GTPBP3: variants seen among roughly 807,000 people sequenced by gnomAD.
The protein encoded by GTPBP3 is 5-taurinomethyluridine-[tRNA] synthase subunit GTPB3, mitochondrial.
A neutral mutation model predicts 42.0 loss-of-function variants in GTPBP3; 35 were observed. That is an observed-to-expected ratio of 0.83 (90% confidence interval 0.64 to 1.10). The LOEUF (loss-of-function observed/expected upper bound fraction) is 1.10. GTPBP3 is among the 50% of genes least tolerant of loss of function. The pLI, the probability that GTPBP3 is intolerant of heterozygous loss-of-function variation, is 0.00. For missense variants in GTPBP3, 691 were observed against 685.2 expected (o/e 1.01, Z -0.09); for synonymous variants, 332 against 314.9 (o/e 1.05, Z -0.58).
chr19:17,339,764 C>T (rs1276295570), intron 7 of GTPBP3, among the ~76,000 whole-genome samples, 165 bp downstream of exon 7: 3 of 135,888 alleles, frequency 2.2e-5, no homozygotes, highest in Non-Finnish European at 4.8e-5. Flanking sequence ...TTTTTTACTC[C>T]GAGACCGAGT....
intron 1 of GTPBP3, 95 bp from the exon 2 acceptor site, chr19:17,337,913 C>T (rs555998308): frequency 8.0e-6 from 12 of 1,493,634 alleles, no homozygotes; most frequent in Admixed American, 1.9e-5. Context: ...AGAACCCCCC[C>T]ACCTGGAGCA....
intron 7 of GTPBP3, among the ~76,000 whole-genome samples, 164 bp downstream of exon 7, chr19:17,339,763 C>G (rs2074410708): frequency 7.0e-6 from 1 of 142,966 alleles, no homozygotes; most frequent in Admixed American, 6.9e-5. Flanking sequence ...TTTTTTTACT[C>G]CGAGACCGAG....
Position 17,341,853 on chromosome 19 carries a change from T to G in GTPBP3, c.*150T>G. On this transcript the variant is annotated 3_prime_UTR_variant, in exon 9 of 9. Coordinates refer to ENST00000324894, the MANE Select transcript of GTPBP3 (RefSeq NM_032620.4). ...GCAACACAGCTGAGAGGTAGTGAGA[T>G]CCCTGCAGGGACTCCCTGGAGATTC... The G allele has an allele frequency of 1.5e-6, 1 of 662,640 alleles. No individual in the cohort carries two copies. 41.0% of individuals were successfully genotyped at this position (662,640 alleles called of 1,614,324 possible). A position where few individuals can be genotyped will look rare whatever the true frequency, so the allele number is the denominator to read the frequency against.
chr19:17,339,666 G>C (rs964192339), intron 7 of GTPBP3, 67 bp downstream of exon 7: 4 of 1,453,208 alleles, frequency 2.8e-6, no homozygotes, highest in African/African-American at 1.4e-5. Flanking sequence ...TCCCTGTTGC[G>C]TTTATTTTTC....
At chr19:17,337,281 T>G (rs1434880187), upstream of GTPBP3, 1 of 282,128 alleles carries the variant, frequency 3.5e-6, no homozygotes, top group Non-Finnish European at 6.5e-6. Context: ...TAATTTGCAC[T>G]GCCCTGTGCC....
At chr19:17,340,857 G>A in intron 7 of GTPBP3, 187 bp from the exon 8 acceptor site, 2 of 289,912 alleles carry the variant, frequency 6.9e-6, no homozygotes, top group Non-Finnish European at 1.2e-5. Context: ...CTCTTGCTCT[G>A]CCCCACCCCC....
chr19:17,337,889 C>T lies in GTPBP3; in HGVS notation c.54-119C>T, dbSNP rs925482846. The T allele has an allele frequency of 1.5e-5, 21 of 1,363,226 alleles. No individual in the cohort carries two copies. In the African/African-American group the frequency reaches 2.3e-4, roughly 15 times the overall value. The allele number at this position is 1,363,226 out of a possible 1,614,324, so 84.4% of individuals were successfully genotyped here. A position where few individuals can be genotyped will look rare whatever the true frequency, so the allele number is the denominator to read the frequency against. On this transcript the variant is annotated intron_variant, in intron 1 of 8. Transcript: ENST00000324894. Reference sequence around the variant, plus strand: ...CGGCCTTCAGAACATCCAATTTGTGCATCCCCCAGCCGCAGAACCCCCCCA... The same window carrying T: ...CGGCCTTCAGAACATCCAATTTGTGTATCCCCCAGCCGCAGAACCCCCCCA...
chr19:17,337,730 G>T, intron 1 of GTPBP3, 66 bp downstream of exon 1: 5 of 1,399,308 alleles, frequency 3.6e-6, no homozygotes, highest in Non-Finnish European at 2.8e-6. Context: ...CCACTCCCTG[G>T]GTTTTAGGGG....
upstream of GTPBP3, chr19:17,337,285 C>G (rs1379326299): frequency 3.4e-6 from 1 of 290,446 alleles, no homozygotes; most frequent in Non-Finnish European, 6.3e-6. Flanking sequence ...TTGCACTGCC[C>G]TGTGCCAAAC....
rs2074387843 is a variant in GTPBP3 at position 17,338,271 on chromosome 19, T to C, written c.301+16T>C. The stretch of plus-strand genomic sequence containing the variant: ...TGGTTCCCAGGTGAGGGTCCCCAGG[T>C]TCCGAGCCTCCTGTAGGTCCCATGA... On this transcript the variant is annotated intron_variant, in intron 2 of 8. Transcript: ENST00000324894. 1 of 1,597,740 alleles carries C rather than the reference T, an allele frequency of 6.3e-7. No individual in the cohort carries two copies. The highest frequency in any genetic ancestry group is 2.2e-5 in the East Asian group (1 of 44,534).
Position 17,339,014 on chromosome 19 carries a change from G to A in GTPBP3, c.652G>A (p.Val218Ile). Residue 218 changes from valine (V) to isoleucine (I), a missense_variant, in exon 5 of 9, where the codon GTC (valine) becomes ATC (isoleucine). Val to Ile is a conservative substitution (Grantham distance 29). Transcript: ENST00000324894. ...FGEDDNLEEG[V>I]LEQADIEVRA... The stretch of plus-strand genomic sequence containing the variant: ...CGAGGATGACAACCTGGAGGAGGGG[G>A]TCCTGGAGCAAGGTGGGTCTACCTG... The A allele has an allele frequency of 6.2e-7, 1 of 1,614,108 alleles. No homozygotes were observed. Among genetic ancestry groups the A allele is most frequent in the Non-Finnish European group, 8.5e-7 (1 of 1,179,950 alleles).
rs75893526 is a variant in GTPBP3, at chr19:17,340,927, C to G, written c.975-117C>G. 4.8e-3 allele frequency: 5,634 copies of G among 1,182,848 alleles called. 202 individuals carry two copies. The African/African-American group carries it at 0.077, about 16-fold the overall frequency. 73.3% of individuals were successfully genotyped at this position (1,182,848 alleles called of 1,614,324 possible). A position where few individuals can be genotyped will look rare whatever the true frequency, so the allele number is the denominator to read the frequency against. The stretch of plus-strand genomic sequence containing the variant: ...CCCCTGGTACTCTACTCCTCCCTCC[C>G]GACCTCACGCTTCGCAGCTCCCCCA... On this transcript the variant is annotated intron_variant, in intron 7 of 8. Transcript: ENST00000324894.
At chr19:17,339,811 A>G (rs1466788271) in intron 7 of GTPBP3, among the ~76,000 whole-genome samples, 3 of 135,198 alleles carry the variant, frequency 2.2e-5, no homozygotes, top group Non-Finnish European at 4.6e-5. Context: ...CAGTGGCGGT[A>G]TCTCAGCTCA....
In GTPBP3 at chr19:17,337,628, G is replaced by A. The variant is rs756394857; in HGVS notation, c.17G>A (p.Trp6Ter). 3.0e-6 allele frequency: 4 copies of A among 1,336,862 alleles called. No homozygotes were observed. The highest frequency in any genetic ancestry group is 3.8e-5 in the Admixed American group (1 of 26,504). 82.8% of individuals were successfully genotyped at this position (1,336,862 alleles called of 1,614,324 possible). MWRGL[W>*]TLAAQAARGP... Reference sequence around the variant, plus strand: ...TGTAAATCCATGTGGCGGGGGCTTTGGACCCTGGCGGCCCAAGCGGCACGT... The same window carrying A: ...TGTAAATCCATGTGGCGGGGGCTTTAGACCCTGGCGGCCCAAGCGGCACGT... Residue 6 changes from tryptophan to a stop codon, truncating the protein, a stop_gained, in exon 1 of 9, where the codon TGG becomes TAG. Coordinates refer to ENST00000324894, the MANE Select transcript of GTPBP3 (RefSeq NM_032620.4). LOFTEE classifies it high-confidence loss of function.
chr19:17,340,412 C>T (rs1178718293), intron 7 of GTPBP3, among the ~76,000 whole-genome samples: 1 of 152,088 alleles, frequency 6.6e-6, no homozygotes, highest in Non-Finnish European at 1.5e-5. Flanking sequence ...CCGCCCAGCC[C>T]TCACGTTCTG....
At position 17,341,245 on chromosome 19, in the gene GTPBP3, G is replaced by T. The variant is rs144236062; in HGVS notation, c.1176G>T (p.Pro392=). The stretch of plus-strand genomic sequence containing the variant: ...CAGGTCCCGGTCCTGACCTGCCCCC[G>T]CACCTGCTGCTGTCCTGTCTGACGG... The part of the protein sequence containing the change: ...EGPGPGPDLP[P]HLLLSCLTGE... The change falls in exon 8 of 9, where the codon CCG becomes CCT. Residue 392 remains proline, a synonymous_variant. Transcript: ENST00000324894. 4.4e-6 allele frequency: 7 copies of T among 1,606,662 alleles called. No homozygotes were observed. Among genetic ancestry groups the T allele is most frequent in the Non-Finnish European group, 4.2e-6 (5 of 1,179,928 alleles).
In GTPBP3 at chr19:17,341,985, T is replaced by G; in HGVS notation, c.*282T>G. On this transcript the variant is annotated 3_prime_UTR_variant, in exon 9 of 9. Transcript: ENST00000324894. ...CTCAGTATATTTGTTTCGTAGTTTT[T>G]TATTTATTTTGCAAATACCAAAGGA... 1 of 352,966 alleles carries G rather than the reference T, an allele frequency of 2.8e-6. No individual in the cohort carries two copies. The highest frequency in any genetic ancestry group is 5.1e-6 in the Non-Finnish European group (1 of 197,606). 21.9% of individuals were successfully genotyped at this position (352,966 alleles called of 1,614,324 possible). A position where few individuals can be genotyped will look rare whatever the true frequency, so the allele number is the denominator to read the frequency against.
At position 17,341,304 on chromosome 19, in the gene GTPBP3, G is replaced by A. The variant is rs931123101; in HGVS notation, c.1235G>A (p.Arg412Lys). The change falls in exon 8 of 9, where the codon AGG becomes AAG. Residue 412 changes from arginine to lysine, a missense_variant. Coordinates refer to ENST00000324894, the MANE Select transcript of GTPBP3 (RefSeq NM_032620.4). Reference sequence around the variant, plus strand: ...CTGGACGGCCTCCTGGAGGCGCTGAGGAAGGAGCTAGCTGCAGTGTGAGCC... The same window carrying A: ...CTGGACGGCCTCCTGGAGGCGCTGAAGAAGGAGCTAGCTGCAGTGTGAGCC... ...EGLDGLLEAL[R>K]KELAAVCGDP... 6.2e-7 allele frequency: 1 copy of A among 1,603,376 alleles called. No homozygotes were observed. Among genetic ancestry groups the A allele is most frequent in the South Asian group, 1.1e-5 (1 of 90,818 alleles).
At chr19:17,340,172 T>G (rs1181561198) in intron 7 of GTPBP3, among the ~76,000 whole-genome samples, 3 of 151,798 alleles carry the variant, frequency 2.0e-5, no homozygotes, top group African/African-American at 7.3e-5. Flanking sequence ...GTAGCTGGGA[T>G]TAGAGGCGCC....
Sources: allele counts gnomAD v4.1 joint callset (sites outside exome capture counted in the v4.1 genomes callset), GRCh38; gene constraint gnomAD v4.1.1; transcripts MANE v1.5; gene names NCBI Gene and HGNC (gene_info 2026-07-23, HGNC 2026-07-21).